Variants in FAM110B observed in about 807,000 individuals in gnomAD.
FAM110B encodes the protein protein FAM110B.
Under a neutral mutation model 20.4 loss-of-function variants are expected in FAM110B, and 6 were observed. The observed-to-expected ratio is 0.29, with a 90% CI of 0.16 to 0.58. FAM110B has a LOEUF of 0.58. FAM110B is among the 20% of genes least tolerant of loss of function. The pLI, the probability that FAM110B is intolerant of heterozygous loss-of-function variation, is 0.90. For missense variants in FAM110B, 434 were observed against 498.2 expected (o/e 0.87, Z 1.23); for synonymous variants, 226 against 214.1 (o/e 1.06, Z -0.49).
intron 3 of FAM110B, among the ~76,000 whole-genome samples, chr8:58,086,339 G>A (rs866670256): frequency 6.6e-5 from 10 of 152,044 alleles, no homozygotes; most frequent in African/African-American, 1.4e-4. Flanking sequence ...TTAAGAGATC[G>A]CTTGAAGACA....
At chr8:57,995,048 C>T (rs1053845461) in intron 1 of FAM110B, among the ~76,000 whole-genome samples, 1 of 152,026 alleles carries the variant, frequency 6.6e-6, no homozygotes, top group Non-Finnish European at 1.5e-5. Context: ...AGGCGCAGCG[C>T]CGCTGCCTGC....
intron 1 of FAM110B, among the ~76,000 whole-genome samples, chr8:58,025,722 C>T (rs933427416): frequency 6.6e-6 from 1 of 152,062 alleles, no homozygotes; most frequent in African/African-American, 2.4e-5. Context: ...GCCAGGTGTC[C>T]CTACCTTAGC....
intron 1 of FAM110B, among the ~76,000 whole-genome samples, chr8:58,013,711 A>G (rs1004849018): frequency 6.6e-6 from 1 of 152,166 alleles, no homozygotes; most frequent in African/African-American, 2.4e-5. Context: ...CCTCACCCAT[A>G]AACTACAGTT....
rs146131599 is a variant in FAM110B, at chr8:58,051,024, A to G, written c.-414+19321A>G. 2.0e-5 allele frequency among the ~76,000 whole-genome samples: 3 copies of G among 152,312 alleles called. No homozygotes were observed. The East Asian group carries it at 5.8e-4, about 29-fold the overall frequency. ...TTACTGTGTTTCTATGGGAAAGAAA[A>G]ACAGCTCTGTCCTTGGCATGCAGAG... On this transcript the variant is annotated intron_variant, in intron 2 of 3. Transcript: ENST00000519262.
At chr8:58,037,331 T>G (rs28708403) in intron 2 of FAM110B, among the ~76,000 whole-genome samples, 49,440 of 146,386 alleles carry the variant, frequency 0.34, 9,197 homozygotes, top group Non-Finnish European at 0.42. Context: ...TTGTTTGTTT[T>G]TTTAATTAAA....
intron 3 of FAM110B, among the ~76,000 whole-genome samples, chr8:58,088,920 A>T (rs1406058346): frequency 6.6e-6 from 1 of 152,202 alleles, no homozygotes; most frequent in Non-Finnish European, 1.5e-5. Context: ...TTATATTCTC[A>T]TGTATATAAA....
At chr8:58,075,413 C>T (rs1027641664) in intron 2 of FAM110B, 122 bp from the exon 3 acceptor site, 1 of 151,972 alleles carries the variant, frequency 6.6e-6, no homozygotes, top group Non-Finnish European at 1.5e-5. Context: ...GCCACTGCAC[C>T]CAGCCTGTAT....
intron 2 of FAM110B, among the ~76,000 whole-genome samples, chr8:58,056,695 C>T (rs541440928): frequency 6.6e-5 from 10 of 152,260 alleles, no homozygotes; most frequent in East Asian, 1.9e-4. Flanking sequence ...AAAATTTCAG[C>T]GTTTCTTTCT....
chr8:58,002,362 T>G lies in FAM110B; in HGVS notation c.-512+7556T>G, dbSNP rs539876495. On this transcript the variant is annotated intron_variant, in intron 1 of 3. Transcript: ENST00000519262. The stretch of plus-strand genomic sequence containing the variant: ...CCCAAGTTGGTTTAAATGAGCTGAC[T>G]CCAAGAGTGTTAACACCAGGTACCA... 3.9e-5 allele frequency among the ~76,000 whole-genome samples: 6 copies of G among 152,378 alleles called. No homozygotes were observed. The South Asian group carries it at 1.2e-3, about 32-fold the overall frequency.
intron 3 of FAM110B, among the ~76,000 whole-genome samples, chr8:58,120,928 A>G (rs886160746): frequency 6.6e-6 from 1 of 152,168 alleles, no homozygotes; most frequent in African/African-American, 2.4e-5. Flanking sequence ...TGTCCCCATA[A>G]GAAACATGGG....
intron 1 of FAM110B, among the ~76,000 whole-genome samples, chr8:58,013,150 G>A (rs1804572896): frequency 6.6e-6 from 1 of 152,186 alleles, no homozygotes; most frequent in African/African-American, 2.4e-5. Context: ...CTAGAACTGA[G>A]GCTGGCTGAG....
intron 3 of FAM110B, among the ~76,000 whole-genome samples, chr8:58,131,961 T>C (rs1467664070): frequency 2.0e-5 from 3 of 152,206 alleles, no homozygotes; most frequent in Non-Finnish European, 4.4e-5. Flanking sequence ...GGGCTCAGGC[T>C]TCACCAGGAT....
At chr8:58,009,636 A>T (rs1480082023) in intron 1 of FAM110B, among the ~76,000 whole-genome samples, 1 of 152,234 alleles carries the variant, frequency 6.6e-6, no homozygotes, top group Non-Finnish European at 1.5e-5. Flanking sequence ...GTCTACATGA[A>T]AACTTAAGAT....
intron 1 of FAM110B, among the ~76,000 whole-genome samples, chr8:57,995,332 T>G (rs991770698): frequency 2.6e-5 from 4 of 152,212 alleles, no homozygotes; most frequent in African/African-American, 9.6e-5. Context: ...AATCCTTTGC[T>G]GAGAATTACT....
chr8:58,010,474 G>A (rs1804509031), intron 1 of FAM110B, among the ~76,000 whole-genome samples: 1 of 152,164 alleles, frequency 6.6e-6, no homozygotes, highest in African/African-American at 2.4e-5. Flanking sequence ...TGCTCTAGAA[G>A]GTTCTGCCCC....
intron 2 of FAM110B, among the ~76,000 whole-genome samples, chr8:58,034,921 A>AAT (rs1426450949): frequency 6.6e-6 from 1 of 152,182 alleles, no homozygotes; most frequent in Admixed American, 6.5e-5. Flanking sequence ...AGTGTGGGGG[A>AAT]ATATCTAATA....
At chr8:58,077,129 A>G (rs1667324470) in intron 3 of FAM110B, 1 of 152,202 alleles carries the variant, frequency 6.6e-6, no homozygotes, top group Admixed American at 6.5e-5. Context: ...TATCTCAGAT[A>G]TAAGAAGCTC....
chr8:58,047,351 G>A (rs1483595996), intron 2 of FAM110B, among the ~76,000 whole-genome samples: 3 of 152,108 alleles, frequency 2.0e-5, no homozygotes. Flanking sequence ...GGTCTGTGTT[G>A]GGGGAGGATG....
At chr8:58,049,051 A>G (rs1166822199) in intron 2 of FAM110B, among the ~76,000 whole-genome samples, 2 of 152,164 alleles carry the variant, frequency 1.3e-5, no homozygotes, top group African/African-American at 4.8e-5. Context: ...TTAAACTATA[A>G]TGGTGATTAT....
Sources: gnomAD v4.1 joint callset for allele counts (sites outside exome capture counted in the v4.1 genomes callset) on GRCh38, gnomAD v4.1.1 for gene constraint, MANE v1.5 for transcripts, NCBI Gene and HGNC (gene_info 2026-07-23, HGNC 2026-07-21) for gene names.